CDH18: variants seen among roughly 807,000 people sequenced by gnomAD.
The protein encoded by CDH18 is cadherin-18.
Under a neutral mutation model 67.9 loss-of-function variants are expected in CDH18, and 31 were observed. The ratio of observed to expected loss-of-function variants is 0.46; its 90% CI spans 0.34 to 0.62. The LOEUF (loss-of-function observed/expected upper bound fraction) is 0.62, where lower values mean the gene tolerates loss of function less well. Among genes scored for constraint, CDH18 ranks in the 20% least tolerant of loss-of-function variants. The probability of loss-of-function intolerance (pLI) is 0.01; values close to 1 mark genes in which losing one functional copy is unlikely to be tolerated. For missense variants in CDH18, 890 were observed against 975.5 expected, an observed-to-expected ratio of 0.91 and a Z score of 1.17; for synonymous variants, 362 against 347.2, an observed-to-expected ratio of 1.04 and a Z score of -0.48.
chr5:19,836,121 A>G (rs578223499), intron 3 of CDH18, among the ~76,000 whole-genome samples: 3 of 152,284 alleles, frequency 2.0e-5, no homozygotes, highest in African/African-American at 4.8e-5. Context: ...TTAGATTAAA[A>G]TTTTAAGAAA....
chr5:20,216,299 A>C (rs1377272186), intron 2 of CDH18, among the ~76,000 whole-genome samples: 1 of 152,012 alleles, frequency 6.6e-6, no homozygotes, highest in East Asian at 1.9e-4. Context: ...TGCCCAATGC[A>C]AGTCTTGATG....
intron 2 of CDH18, among the ~76,000 whole-genome samples, chr5:20,031,699 C>T (rs1275589319): frequency 6.6e-6 from 1 of 151,826 alleles, no homozygotes; most frequent in Admixed American, 6.6e-5. Flanking sequence ...GAATCTTCAA[C>T]CTTTATTTGA....
chr5:19,691,051 A>C (rs1761803136), intron 5 of CDH18, among the ~76,000 whole-genome samples: 1 of 151,898 alleles, frequency 6.6e-6, no homozygotes, highest in African/African-American at 2.4e-5. Context: ...TGAATCTAAC[A>C]GTGCATTAGA....
At chr5:20,281,953 GTCTTT>G (rs1289531944) in intron 1 of CDH18, among the ~76,000 whole-genome samples, 1 of 152,004 alleles carries the variant, frequency 6.6e-6, no homozygotes, top group East Asian at 1.9e-4. Context: ...GGATTCCTAG[GTCTTT>G]TCTTCTCTTT....
intron 2 of CDH18, among the ~76,000 whole-genome samples, chr5:20,084,119 T>C (rs189729920): frequency 1.9e-4 from 29 of 152,262 alleles, no homozygotes; most frequent in Admixed American, 2.6e-4. Flanking sequence ...CTTCCACCTA[T>C]GAGCCTGTTA....
Position 20,276,377 on chromosome 5 carries a change from G to A in CDH18, c.-579-20872C>T, listed in dbSNP as rs1745812966. ...ATAGTTGGATAGGGAACTGGGCAGA[G>A]TCCTGAGGCCCCCATTCCAGGCTCT... On this transcript the variant is annotated intron_variant, in intron 1 of 14. Coordinates refer to the CDH18 transcript ENST00000507958. 2.0e-5 allele frequency among the ~76,000 whole-genome samples: 3 copies of A among 152,276 alleles called. No individual in the cohort carries two copies. In the South Asian group the frequency reaches 6.2e-4, roughly 32 times the overall value.
At chr5:20,022,896 C>A (rs1469241882) in intron 2 of CDH18, among the ~76,000 whole-genome samples, 3 of 152,286 alleles carry the variant, frequency 2.0e-5, no homozygotes, top group African/African-American at 7.2e-5. Context: ...TACCTTCCTG[C>A]ATTTTTATAG....
intron 5 of CDH18, among the ~76,000 whole-genome samples, chr5:19,617,986 A>G (rs1306982578): frequency 1.3e-5 from 2 of 152,194 alleles, no homozygotes; most frequent in Non-Finnish European, 2.9e-5. Flanking sequence ...ATTTTTACCC[A>G]CTAAAAAGAA....
At chr5:19,750,043 T>G (rs1348297762) in intron 3 of CDH18, among the ~76,000 whole-genome samples, 1 of 152,094 alleles carries the variant, frequency 6.6e-6, no homozygotes, top group Non-Finnish European at 1.5e-5. Context: ...GCATGAGTTT[T>G]TAAATAACGT....
At chr5:19,635,105 T>G (rs950852787) in intron 5 of CDH18, among the ~76,000 whole-genome samples, 1 of 152,176 alleles carries the variant, frequency 6.6e-6, no homozygotes, top group African/African-American at 2.4e-5. Context: ...AATTTACTCA[T>G]GAGAACAAAG....
At chr5:20,259,968 A>G (rs1481753049) in intron 1 of CDH18, among the ~76,000 whole-genome samples, 2 of 152,006 alleles carry the variant, frequency 1.3e-5, no homozygotes, top group African/African-American at 4.8e-5. Flanking sequence ...AGTATGTCTT[A>G]CAAACAAAAA....
chr5:19,611,985 T>C (rs942369504), intron 6 of CDH18, among the ~76,000 whole-genome samples: 3 of 150,900 alleles, frequency 2.0e-5, no homozygotes, highest in East Asian at 4.0e-4. Context: ...TGTGTGTGTG[T>C]GCATACATGC....
chr5:20,186,693 A>G (rs1338850649), intron 2 of CDH18, among the ~76,000 whole-genome samples: 3 of 151,916 alleles, frequency 2.0e-5, no homozygotes, highest in Non-Finnish European at 2.9e-5. Context: ...TCCCTTGTAC[A>G]TTGCTGGTTG....
chr5:19,569,294 C>A (rs1310972601), intron 8 of CDH18, among the ~76,000 whole-genome samples: 1 of 152,118 alleles, frequency 6.6e-6, no homozygotes, highest in Non-Finnish European at 1.5e-5. Flanking sequence ...CTTCATTCTT[C>A]ATTTCTCTAA....
rs1053516621 is a variant in CDH18 at position 20,255,941 on chromosome 5, T to A, written c.-579-436A>T. Among the ~76,000 whole-genome samples, 4 of 152,012 alleles carry A rather than the reference T, an allele frequency of 2.6e-5. No individual in the cohort carries two copies. The South Asian group carries it at 8.3e-4, about 31-fold the overall frequency. On this transcript the variant is annotated intron_variant, in intron 1 of 14. Coordinates refer to the CDH18 transcript ENST00000507958. ...TAATAACTTTAATGTTTTATGATTT[T>A]AATAACTACTGCACTTTCAAACAAA...
Position 20,380,586 on chromosome 5 carries a change from C to T in CDH18, c.-579-125081G>A, listed in dbSNP as rs556873748. Among the ~76,000 whole-genome samples, 182 of 152,088 alleles carry T rather than the reference C, an allele frequency of 1.2e-3. 3 individuals are homozygous for T. In the South Asian group the frequency reaches 0.033, roughly 27 times the overall value. ...AACAAACTTAAGAGGAAAACTACAG[C>T]GAGTTAATTTTAGGCACACAACAGA... On this transcript the variant is annotated intron_variant, in intron 1 of 14. Coordinates refer to the CDH18 transcript ENST00000507958.
chr5:19,514,358 C>T (rs767006963), intron 10 of CDH18, among the ~76,000 whole-genome samples: 6 of 152,126 alleles, frequency 3.9e-5, no homozygotes, highest in Admixed American at 3.3e-4. Flanking sequence ...TGGGTATATA[C>T]CCAGTAATGG....
intron 1 of CDH18, among the ~76,000 whole-genome samples, chr5:20,442,818 G>T (rs1218193226): frequency 1.3e-5 from 2 of 151,814 alleles, no homozygotes; most frequent in African/African-American, 4.9e-5. Context: ...AACAGTTTAT[G>T]AACAAGCTGA....
chr5:20,194,459 G>A (rs976224321), intron 2 of CDH18, among the ~76,000 whole-genome samples: 1 of 152,044 alleles, frequency 6.6e-6, no homozygotes, highest in Non-Finnish European at 1.5e-5. Flanking sequence ...CAACATTCAT[G>A]TTTATATATG....
Sources: gnomAD v4.1 joint callset for allele counts (sites outside exome capture counted in the v4.1 genomes callset) on GRCh38, gnomAD v4.1.1 for gene constraint, MANE v1.5 for transcripts, NCBI Gene and HGNC (gene_info 2026-07-23, HGNC 2026-07-21) for gene names.